Variants in SBF2 observed in about 807,000 individuals in gnomAD.
The protein encoded by SBF2 is SET binding factor 2.
Under a neutral mutation model 225.2 loss-of-function variants are expected in SBF2, and 112 were observed. That is an observed-to-expected ratio of 0.50 (90% CI 0.43 to 0.58). SBF2 has a LOEUF of 0.58. SBF2 is among the 20% of genes least tolerant of loss of function. SBF2 has a pLI of 0.00. For missense variants in SBF2, 1,996 were observed against 2,206.2 expected (o/e 0.90, Z 1.91); for synonymous variants, 763 against 773.3 (o/e 0.99, Z 0.22).
At chr11:9,980,209 G>C (rs1261697859) in intron 13 of SBF2, among the ~76,000 whole-genome samples, 1 of 148,660 alleles carries the variant, frequency 6.7e-6, no homozygotes, top group East Asian at 2.0e-4. Flanking sequence ...TCGAACTCCT[G>C]ACCTCAAGTG....
rs116976249 is a variant in SBF2, at chr11:10,007,229, T to C, written c.620-4540A>G. 5.8e-3 allele frequency among the ~76,000 whole-genome samples: 877 copies of C among 152,284 alleles called. 9 individuals carry two copies. The highest frequency in any genetic ancestry group is 8.2e-3 in the Admixed American group (126 of 15,302). ...CTAAGGACAAATAGGGGATGCCCTA[T>C]TCAGGATAATAGGAAGAGAAGACGC... On this transcript the variant is annotated intron_variant, in intron 6 of 39. Coordinates refer to ENST00000256190, the MANE Select transcript of SBF2 (RefSeq NM_030962.4).
chr11:10,032,257 C>G (rs530439714), intron 3 of SBF2, among the ~76,000 whole-genome samples: 1 of 152,162 alleles, frequency 6.6e-6, no homozygotes, highest in Non-Finnish European at 1.5e-5. Context: ...CGTGATTCCC[C>G]TCTTTTTAAT....
At chr11:10,276,508 T>C (rs1050469729) in intron 1 of SBF2, among the ~76,000 whole-genome samples, 4 of 152,238 alleles carry the variant, frequency 2.6e-5, no homozygotes, top group Non-Finnish European at 5.9e-5. Context: ...ACTCACTGTT[T>C]ATCAATTCAG....
At chr11:10,112,438 G>GT (rs1350341564) in intron 2 of SBF2, among the ~76,000 whole-genome samples, 1 of 152,178 alleles carries the variant, frequency 6.6e-6, no homozygotes, top group Non-Finnish European at 1.5e-5. Context: ...CGCCATCCAT[G>GT]TAAGATATGA....
intron 1 of SBF2, among the ~76,000 whole-genome samples, chr11:10,229,152 A>T (rs151335191): frequency 0.4 from 59,971 of 151,686 alleles, 12,894 homozygotes; most frequent in Non-Finnish European, 0.48. Context: ...TCTGTGGGAT[A>T]GGTGGTGATA....
intron 2 of SBF2, among the ~76,000 whole-genome samples, chr11:10,063,353 AT>A (rs1048495560): frequency 8.0e-6 from 1 of 124,512 alleles, no homozygotes; most frequent in Non-Finnish European, 1.7e-5. Flanking sequence ...TATTTTTTTA[AT>A]TTTTTTATTT....
intron 1 of SBF2, among the ~76,000 whole-genome samples, chr11:10,225,235 A>G (rs557634422): frequency 1.7e-4 from 26 of 152,256 alleles, no homozygotes; most frequent in African/African-American, 6.0e-4. Flanking sequence ...AAATGAACTC[A>G]TATCTTAAAA....
At chr11:10,084,055 GAACA>G (rs1207288425) in intron 2 of SBF2, among the ~76,000 whole-genome samples, 4 of 152,144 alleles carry the variant, frequency 2.6e-5, no homozygotes, top group Non-Finnish European at 4.4e-5. Context: ...TCAACAGAGT[GAACA>G]AACAGTCTGC....
At chr11:10,267,477 C>T (rs967076284) in intron 1 of SBF2, among the ~76,000 whole-genome samples, 1 of 152,080 alleles carries the variant, frequency 6.6e-6, no homozygotes, top group Non-Finnish European at 1.5e-5. Context: ...AAAAAAACAA[C>T]ACTTTGAAGT....
At chr11:10,237,654 T>C (rs942104267) in intron 1 of SBF2, among the ~76,000 whole-genome samples, 1 of 152,246 alleles carries the variant, frequency 6.6e-6, no homozygotes, top group Non-Finnish European at 1.5e-5. Context: ...TACAATTAAA[T>C]GAGGTTTGAC....
chr11:10,080,609 CAT>C (rs1951328875), intron 2 of SBF2, among the ~76,000 whole-genome samples: 1 of 151,490 alleles, frequency 6.6e-6, no homozygotes, highest in African/African-American at 2.4e-5. Flanking sequence ...AAAAACCTTA[CAT>C]ATCAATATTA....
At chr11:9,821,010 A>G (rs1854720497) in intron 28 of SBF2, among the ~76,000 whole-genome samples, 1 of 152,202 alleles carries the variant, frequency 6.6e-6, no homozygotes, top group African/African-American at 2.4e-5. Flanking sequence ...CATGTGGATT[A>G]CTATACCCTC....
chr11:10,033,098 T>A (rs72858837), intron 3 of SBF2, among the ~76,000 whole-genome samples: 7,923 of 152,250 alleles, frequency 0.052, 291 homozygotes, highest in Middle Eastern at 0.16. Context: ...AAAATTAGGT[T>A]GGTTGGTTTC....
intron 16 of SBF2, among the ~76,000 whole-genome samples, chr11:9,910,669 G>C (rs1039738957): frequency 1.3e-5 from 2 of 149,060 alleles, no homozygotes; most frequent in Non-Finnish European, 3.0e-5. Flanking sequence ...GTGTGGATTT[G>C]TGTCTTCATT....
At chr11:9,938,141 A>G (rs1312166412) in intron 16 of SBF2, among the ~76,000 whole-genome samples, 1 of 152,034 alleles carries the variant, frequency 6.6e-6, no homozygotes, top group Admixed American at 6.6e-5. Context: ...AATACAAAAA[A>G]TTAGCCGGGC....
intron 16 of SBF2, among the ~76,000 whole-genome samples, chr11:9,924,218 C>A (rs1343735307): frequency 6.6e-6 from 1 of 152,130 alleles, no homozygotes; most frequent in African/African-American, 2.4e-5. Context: ...AGGGACTATA[C>A]CTCGAGTACC....
chr11:9,920,846 A>G (rs1180809678), intron 16 of SBF2, among the ~76,000 whole-genome samples: 3 of 152,056 alleles, frequency 2.0e-5, no homozygotes, highest in Non-Finnish European at 2.9e-5. Context: ...ATGGAGAGAG[A>G]CCACGTCTTT....
At chr11:10,054,971 A>C (rs894260810) in intron 2 of SBF2, among the ~76,000 whole-genome samples, 1 of 151,948 alleles carries the variant, frequency 6.6e-6, no homozygotes. Flanking sequence ...GTGCGGTGGC[A>C]AGATCTCGGC....
At chr11:10,209,706 T>A (rs139686147) in intron 1 of SBF2, among the ~76,000 whole-genome samples, 28 of 152,236 alleles carry the variant, frequency 1.8e-4, no homozygotes, top group Non-Finnish European at 3.5e-4. Context: ...CCCTCCATTC[T>A]CTATCTCAGA....
Sources: gnomAD v4.1 joint callset for allele counts (sites outside exome capture counted in the v4.1 genomes callset) on GRCh38, gnomAD v4.1.1 for gene constraint, MANE v1.5 for transcripts, NCBI Gene and HGNC (gene_info 2026-07-23, HGNC 2026-07-21) for gene names.